The following TCF12 variants were observed in gnomAD, a reference collection of about 807,000 sequenced individuals.
The protein encoded by TCF12 is DNA-binding protein HTF4.
TCF12 carries 45 observed loss-of-function variants against 86.0 expected under a neutral mutation model. The ratio of observed to expected loss-of-function variants is 0.52; its 90% CI spans 0.41 to 0.67. The LOEUF (loss-of-function observed/expected upper bound fraction) is 0.67. TCF12 is among the 30% of genes least tolerant of loss of function. The probability of loss-of-function intolerance (pLI) is 0.00; values close to 1 mark genes in which losing one functional copy is unlikely to be tolerated. For synonymous variants in TCF12, 330 were observed against 299.6 expected (o/e 1.10, Z -1.05); for missense variants, 881 against 859.9 (o/e 1.02, Z -0.31).
chr15:56,942,311 A>G (rs867201915), intron 3 of TCF12, among the ~76,000 whole-genome samples: 3 of 152,236 alleles, frequency 2.0e-5, no homozygotes, highest in Admixed American at 6.5e-5. Flanking sequence ...TTTGGTGAAG[A>G]TACTGAATAG....
At chr15:57,185,892 C>A (rs975429121) in intron 6 of TCF12, among the ~76,000 whole-genome samples, 1 of 151,680 alleles carries the variant, frequency 6.6e-6, no homozygotes, top group Admixed American at 6.6e-5. Context: ...AAAAAGCAAA[C>A]AAAAGTAAAC....
chr15:57,220,619 C>G (rs1366218355), intron 8 of TCF12, among the ~76,000 whole-genome samples: 1 of 151,740 alleles, frequency 6.6e-6, no homozygotes, highest in East Asian at 1.9e-4. Context: ...GAGTTCTATT[C>G]TTTAAATTAA....
intron 3 of TCF12, among the ~76,000 whole-genome samples, chr15:56,973,729 A>G (rs1457065751): frequency 6.6e-6 from 1 of 152,148 alleles, no homozygotes; most frequent in Non-Finnish European, 1.5e-5. Context: ...ACAAGATACT[A>G]TTTCCAGAGA....
At chr15:57,061,006 T>C (rs1333970441) in intron 3 of TCF12, among the ~76,000 whole-genome samples, 1 of 152,210 alleles carries the variant, frequency 6.6e-6, no homozygotes, top group Non-Finnish European at 1.5e-5. Context: ...ACTACAGAGC[T>C]TGAGTTTAAA....
intron 7 of TCF12, among the ~76,000 whole-genome samples, chr15:57,195,892 T>A (rs1199456017): frequency 6.6e-6 from 1 of 152,170 alleles, no homozygotes; most frequent in Admixed American, 6.5e-5. Context: ...GTAGTCTAGC[T>A]ACTCAGGAGA....
At chr15:57,220,297 A>G (rs1242350528) in intron 8 of TCF12, among the ~76,000 whole-genome samples, 1 of 152,220 alleles carries the variant, frequency 6.6e-6, no homozygotes, top group Admixed American at 6.5e-5. Context: ...ATGGAAGGAA[A>G]AGATGAAAGT....
intron 2 of TCF12, 44 bp downstream of exon 2, chr15:56,920,032 T>A: frequency 6.8e-7 from 1 of 1,461,806 alleles, no homozygotes; most frequent in Non-Finnish European, 9.5e-7. Context: ...GCTGAGGTTT[T>A]TGTTTGTTTG....
At chr15:56,938,224 G>A (rs1326929644) in intron 3 of TCF12, among the ~76,000 whole-genome samples, 3 of 150,044 alleles carry the variant, frequency 2.0e-5, no homozygotes, top group African/African-American at 7.4e-5. Flanking sequence ...GCAGTGGCGC[G>A]ACCTTGGCTT....
chr15:57,157,894 C>G (rs763398679), intron 5 of TCF12, among the ~76,000 whole-genome samples: 7 of 151,990 alleles, frequency 4.6e-5, no homozygotes, highest in Non-Finnish European at 1.0e-4. Flanking sequence ...TGAAATTGAT[C>G]AAAATGTATT....
chr15:57,118,520 G>C (rs1382787287), intron 5 of TCF12: 1 of 152,034 alleles, frequency 6.6e-6, no homozygotes, highest in Non-Finnish European at 1.5e-5. Context: ...TTCAGACAGT[G>C]CTGTTACCCT....
chr15:56,976,230 T>C (rs888413308), intron 3 of TCF12, among the ~76,000 whole-genome samples: 6 of 130,990 alleles, frequency 4.6e-5, no homozygotes, highest in South Asian at 2.7e-4. Context: ...GTTTCTTTTT[T>C]TTTTTTTTTT....
At chr15:57,142,401 C>T (rs2053041960) in intron 5 of TCF12, among the ~76,000 whole-genome samples, 1 of 142,230 alleles carries the variant, frequency 7.0e-6, no homozygotes, top group South Asian at 2.3e-4. Flanking sequence ...CAGCTGTGTT[C>T]ACTCATAGAG....
At chr15:57,267,160 G>A (rs1433905659) in intron 18 of TCF12, among the ~76,000 whole-genome samples, 2 of 152,072 alleles carry the variant, frequency 1.3e-5, no homozygotes, top group African/African-American at 4.8e-5. Context: ...TTAAAACATT[G>A]TTCTTTGTGT....
At chr15:57,125,200 T>C (rs1408394786) in intron 5 of TCF12, among the ~76,000 whole-genome samples, 3 of 152,210 alleles carry the variant, frequency 2.0e-5, no homozygotes, top group Non-Finnish European at 4.4e-5. Context: ...AACTTTTATA[T>C]GCAGGGAAAC....
At chr15:57,137,365 A>C (rs1246626044) in intron 5 of TCF12, among the ~76,000 whole-genome samples, 5 of 152,240 alleles carry the variant, frequency 3.3e-5, no homozygotes, top group Non-Finnish European at 5.9e-5. Context: ...ACTGTAATTT[A>C]CAAAGGATGT....
At chr15:57,165,142 G>GTGTT (rs2054788239) in intron 5 of TCF12, among the ~76,000 whole-genome samples, 1 of 148,474 alleles carries the variant, frequency 6.7e-6, no homozygotes, top group Non-Finnish European at 1.5e-5. Flanking sequence ...GTCTGTGTGT[G>GTGTT]TGTGTGTGTG....
chr15:57,260,620 A>G (rs1388697718), intron 16 of TCF12, among the ~76,000 whole-genome samples: 3 of 152,142 alleles, frequency 2.0e-5, no homozygotes, highest in Admixed American at 6.6e-5. Context: ...TTAACTTACA[A>G]TTATTTCCCC....
chr15:57,031,871 A>C (rs1241442756), intron 3 of TCF12, among the ~76,000 whole-genome samples: 3 of 152,166 alleles, frequency 2.0e-5, no homozygotes, highest in Non-Finnish European at 2.9e-5. Flanking sequence ...CCAGGCAATC[A>C]CATGGTAATG....
intron 3 of TCF12, among the ~76,000 whole-genome samples, chr15:56,926,649 T>C (rs1436675155): frequency 6.6e-5 from 10 of 152,186 alleles, no homozygotes; most frequent in African/African-American, 2.4e-4. Flanking sequence ...CTGGTTTTTA[T>C]TAATCACCAC....
Sources: gnomAD v4.1 joint callset for allele counts (sites outside exome capture counted in the v4.1 genomes callset) on GRCh38, gnomAD v4.1.1 for gene constraint, MANE v1.5 for transcripts, NCBI Gene and HGNC (gene_info 2026-07-23, HGNC 2026-07-21) for gene names.